The following PCDHGA4 variants were observed in gnomAD, a reference collection of about 807,000 sequenced individuals.
PCDHGA4 encodes the protein protocadherin gamma subfamily A, 4, also known as protocadherin gamma-A4.
Under a neutral mutation model 54.6 loss-of-function variants are expected in PCDHGA4, and 38 were observed. The observed-to-expected ratio is 0.70, with a 90% CI of 0.54 to 0.91. The LOEUF (loss-of-function observed/expected upper bound fraction) is 0.91, where lower values mean the gene tolerates loss of function less well. Ranked by LOEUF, PCDHGA4 falls within the 40% of genes least tolerant of loss-of-function variation. The pLI is 0.00. For missense variants in PCDHGA4, 1,298 were observed against 1,220.9 expected (o/e 1.06, Z -0.94); for synonymous variants, 511 against 512.9 (o/e 1.00, Z 0.05).
At chr5:141,375,211 T>A in intron 1 of PCDHGA4, 1 of 1,614,010 alleles carries the variant, frequency 6.2e-7, no homozygotes, top group South Asian at 1.1e-5. Context: ...ATCGAGACTC[T>A]GGCCTGAATG....
chr5:141,460,983 G>A (rs12516231), intron 1 of PCDHGA4, among the ~76,000 whole-genome samples: 37,603 of 137,412 alleles, frequency 0.27, 5,103 homozygotes, highest in Admixed American at 0.34. Flanking sequence ...GTGTGTGTGT[G>A]TATATATATA....
At chr5:141,361,859 T>C in intron 1 of PCDHGA4, 4 of 1,612,236 alleles carry the variant, frequency 2.5e-6, no homozygotes, top group Non-Finnish European at 3.4e-6. Flanking sequence ...TCCGCCCTCT[T>C]CGATATGGTG....
chr5:141,470,748 A>C (rs1163686396), intron 1 of PCDHGA4, among the ~76,000 whole-genome samples: 1 of 152,106 alleles, frequency 6.6e-6, no homozygotes. Flanking sequence ...CCCTGGCTGG[A>C]GTGCAGTGGA....
intron 1 of PCDHGA4, chr5:141,413,563 A>G: frequency 6.2e-7 from 1 of 1,613,918 alleles, no homozygotes; most frequent in Non-Finnish European, 8.5e-7. Context: ...AGTAACTGAT[A>G]TCAATGACAA....
At chr5:141,433,004 T>G (rs368646186) in intron 1 of PCDHGA4, 48 of 1,614,028 alleles carry the variant, frequency 3.0e-5, no homozygotes, top group Non-Finnish European at 3.4e-5. Context: ...GGTGCAGGCT[T>G]TCCTGCAGAC....
chr5:141,415,966 C>G, intron 1 of PCDHGA4: 1 of 405,604 alleles, frequency 2.5e-6, no homozygotes, highest in Non-Finnish European at 4.0e-6. Flanking sequence ...AAACTCCAGC[C>G]CCTTAAGCAA....
At position 141,486,368 on chromosome 5, in the gene PCDHGA4, T is replaced by C. The variant is rs1217513529; in HGVS notation, c.2515-8439T>C. 6.2e-7 allele frequency: 1 copy of C among 1,614,014 alleles called. No homozygotes were observed. Among genetic ancestry groups the C allele is most frequent in the Non-Finnish European group, 8.5e-7 (1 of 1,180,000 alleles). On this transcript the variant is annotated intron_variant, in intron 1 of 3. Coordinates refer to ENST00000571252, the MANE Select transcript of PCDHGA4 (RefSeq NM_018917.4). This position sits in a 1 kb window ranked among gnomAD's most constrained non-coding sequence, Gnocchi z 5.0. ...TGACCACTTGCCATTTGCCCTCAAGTCTGCCTTCAGGAACCAGTTCTCCCT... is the reference window on the plus strand; with the variant it reads ...TGACCACTTGCCATTTGCCCTCAAGCCTGCCTTCAGGAACCAGTTCTCCCT...
chr5:141,436,817 TA>T (rs1431750380), intron 1 of PCDHGA4, among the ~76,000 whole-genome samples: 1 of 152,244 alleles, frequency 6.6e-6, no homozygotes, highest in Non-Finnish European at 1.5e-5. Context: ...ACAGCTGGTT[TA>T]AAAATCTTAA....
intron 1 of PCDHGA4, chr5:141,419,425 C>A (rs3749766): frequency 2.5e-6 from 4 of 1,613,316 alleles, no homozygotes; most frequent in Non-Finnish European, 3.4e-6. Context: ...CCTTCGACCA[C>A]GAGCAGCTGC....
At chr5:141,361,802 A>G (rs368923177) in intron 1 of PCDHGA4, 19 of 1,613,052 alleles carry the variant, frequency 1.2e-5, no homozygotes, top group African/African-American at 9.3e-5. Flanking sequence ...GGCGACCTCA[A>G]TGACAATGCG....
rs545261528 is a variant in PCDHGA4 at position 141,404,038 on chromosome 5, G to C, written c.2514+46417G>C. 4.3e-6 allele frequency: 7 copies of C among 1,613,858 alleles called. No individual in the cohort carries two copies. The African/African-American group carries it at 8.0e-5, about 18-fold the overall frequency. ...GCCCAGTGAGAGAAGACGCACCTCA[G>C]GGAACAGTAATTCTTCTTTTCAATG... On this transcript the variant is annotated intron_variant, in intron 1 of 3. Coordinates refer to ENST00000571252, the MANE Select transcript of PCDHGA4 (RefSeq NM_018917.4).
intron 3 of PCDHGA4, among the ~76,000 whole-genome samples, chr5:141,507,861 C>T (rs538942097): frequency 7.0e-4 from 106 of 152,306 alleles, no homozygotes; most frequent in African/African-American, 2.5e-3. Flanking sequence ...CTTTCACACC[C>T]GCTTCCTAGC....
intron 2 of PCDHGA4, among the ~76,000 whole-genome samples, chr5:141,497,602 C>T (rs948023459): frequency 2.0e-5 from 3 of 148,260 alleles, no homozygotes; most frequent in East Asian, 2.0e-4. Flanking sequence ...TGCAGTGGTG[C>T]GATCTTGGCT....
chr5:141,372,396 T>C (rs1039579304), intron 1 of PCDHGA4: 1 of 1,614,052 alleles, frequency 6.2e-7, no homozygotes, highest in Non-Finnish European at 8.5e-7. Context: ...CGCAGATAGC[T>C]TGCAAGAGAT....
chr5:141,374,202 A>T (rs1446012115), intron 1 of PCDHGA4: 5 of 1,613,868 alleles, frequency 3.1e-6, no homozygotes, highest in Non-Finnish European at 4.2e-6. Context: ...GAGGAGCTGG[A>T]GAAAGGCTCC....
At chr5:141,382,791 C>T in intron 1 of PCDHGA4, 1 of 942,536 alleles carries the variant, frequency 1.1e-6, no homozygotes, top group Non-Finnish European at 1.6e-6. Context: ...AGCCTCTATC[C>T]TGCTGGATTC....
chr5:141,470,855 G>A (rs2099242095), intron 1 of PCDHGA4, among the ~76,000 whole-genome samples: 3 of 151,856 alleles, frequency 2.0e-5, no homozygotes, highest in Admixed American at 2.0e-4. Context: ...GCTCAGATAA[G>A]TTTTTTGTTT....
At chr5:141,386,994 AT>A (rs1291262145) in intron 1 of PCDHGA4, among the ~76,000 whole-genome samples, 1 of 152,224 alleles carries the variant, frequency 6.6e-6, no homozygotes, top group Non-Finnish European at 1.5e-5. Flanking sequence ...GCTATGTATT[AT>A]CCCCCTGATA....
chr5:141,398,900 G>C (rs765284630), intron 1 of PCDHGA4: 1 of 1,613,964 alleles, frequency 6.2e-7, no homozygotes, highest in South Asian at 1.1e-5. Context: ...GTGCCACCAG[G>C]CACCACTGTG....
Sources: gnomAD v4.1 joint callset for allele counts (sites outside exome capture counted in the v4.1 genomes callset) on GRCh38, gnomAD v4.1.1 for gene constraint, Gnocchi (gnomAD v3.1) non-coding constraint, MANE v1.5 for transcripts, NCBI Gene and HGNC (gene_info 2026-07-23, HGNC 2026-07-21) for gene names.